AGAP1: variants seen among roughly 807,000 people sequenced by gnomAD.
AGAP1 encodes arf-GAP with GTPase, ANK repeat and PH domain-containing protein 1.
AGAP1 carries 29 observed loss-of-function variants against 105.3 expected under a neutral mutation model. The ratio of observed to expected loss-of-function variants is 0.28; its 90% CI spans 0.21 to 0.38. AGAP1 has a LOEUF of 0.38. AGAP1 is among the 10% of genes least tolerant of loss of function. The pLI is 1.00. For synonymous variants in AGAP1, 509 were observed against 485.9 expected (o/e 1.05, Z -0.63); for missense variants, 998 against 1,165.1 (o/e 0.86, Z 2.09).
In AGAP1 at chr2:235,911,460, G is replaced by A. The variant is rs148514940; in HGVS notation, c.1324+2554G>A. On this transcript the variant is annotated intron_variant, in intron 11 of 17. Transcript: ENST00000304032. ...CCAGGCACACAGATATGAAGGAAGG[G>A]CACCAATTCTGTGAAGAAGCGTTCA... Among the ~76,000 whole-genome samples, 316 of 152,324 alleles carry A rather than the reference G, an allele frequency of 2.1e-3. 1 individual carries two copies. The highest frequency in any genetic ancestry group is 0.014 in the Middle Eastern group (4 of 294).
At chr2:235,803,809 G>A (rs913230784) in intron 8 of AGAP1, among the ~76,000 whole-genome samples, 1 of 152,224 alleles carries the variant, frequency 6.6e-6, no homozygotes, top group East Asian at 1.9e-4. Flanking sequence ...TACATTTGCA[G>A]TAGGAATTCT....
chr2:235,564,620 ACCACCACCCAGGGCCAGGTGTGAGCCTGG>A (rs1230044011), intron 1 of AGAP1, among the ~76,000 whole-genome samples: 3 of 143,592 alleles, frequency 2.1e-5, no homozygotes, highest in African/African-American at 7.9e-5. Flanking sequence ...GTGAGCCTGG[ACCACCACCCAGGGCCAGGTGTGAGCCTGG>A]ACCACCACCC....
At chr2:235,938,418 A>G (rs550291850) in intron 12 of AGAP1, among the ~76,000 whole-genome samples, 1 of 152,222 alleles carries the variant, frequency 6.6e-6, no homozygotes, top group East Asian at 1.9e-4. Context: ...TGCTGCGCGT[A>G]TGAAGACAGG....
At position 235,992,511 on chromosome 2, in the gene AGAP1, G is replaced by T. The variant is rs2055613539; in HGVS notation, c.1645+23888G>T. ...GTTCTTATAGACTACAGTATTACTC[G>T]TGGGAGCCAAATTATGTGCAGTGTA... is the stretch of plus-strand genomic sequence containing the variant. On this transcript the variant is annotated intron_variant, in intron 13 of 17. Coordinates refer to ENST00000304032, the MANE Select transcript of AGAP1 (RefSeq NM_001037131.3). This position sits in a 1 kb window ranked among gnomAD's most constrained non-coding sequence, Gnocchi z 4.8. 6.6e-6 allele frequency among the ~76,000 whole-genome samples: 1 copy of T among 152,182 alleles called. No individual in the cohort carries two copies. The highest frequency in any genetic ancestry group is 6.5e-5 in the Admixed American group (1 of 15,278).
At chr2:235,898,978 G>A (rs1297244507) in intron 10 of AGAP1, among the ~76,000 whole-genome samples, 1 of 152,180 alleles carries the variant, frequency 6.6e-6, no homozygotes, top group Non-Finnish European at 1.5e-5. Flanking sequence ...CCCTTGGCAG[G>A]CATTATGTTT....
At chr2:235,836,189 A>G (rs564519053) in intron 9 of AGAP1, among the ~76,000 whole-genome samples, 2 of 152,372 alleles carry the variant, frequency 1.3e-5, no homozygotes, top group East Asian at 3.9e-4. Flanking sequence ...GCACAGGTCT[A>G]AAGCCCTTTA....
intron 1 of AGAP1, among the ~76,000 whole-genome samples, chr2:235,495,978 C>T (rs1306632928): frequency 6.6e-6 from 1 of 152,230 alleles, no homozygotes; most frequent in African/African-American, 2.4e-5. Context: ...TGCCTGAAAG[C>T]CTGGTGCTGG....
chr2:236,099,683 C>A (rs2059297572), intron 16 of AGAP1, among the ~76,000 whole-genome samples: 1 of 152,068 alleles, frequency 6.6e-6, no homozygotes, highest in Non-Finnish European at 1.5e-5. Flanking sequence ...CACCAAGTGA[C>A]ACTTGAAAGC....
intron 1 of AGAP1, among the ~76,000 whole-genome samples, chr2:235,495,315 C>T (rs1398976582): frequency 2.0e-5 from 3 of 152,230 alleles, no homozygotes; most frequent in Non-Finnish European, 2.9e-5. Context: ...GCAGGGCTGC[C>T]CTCCTTAGTG....
At chr2:235,836,480 G>T (rs1244934520) in intron 9 of AGAP1, among the ~76,000 whole-genome samples, 1 of 152,172 alleles carries the variant, frequency 6.6e-6, no homozygotes, top group African/African-American at 2.4e-5. Flanking sequence ...CGTGACTGGG[G>T]TTGCTTCAGA....
At chr2:235,703,337 T>C (rs1287056896) in intron 1 of AGAP1, among the ~76,000 whole-genome samples, 1 of 152,058 alleles carries the variant, frequency 6.6e-6, no homozygotes, top group Non-Finnish European at 1.5e-5. Context: ...TCAGGTAGCA[T>C]GTGTGCCTGT....
At chr2:235,671,792 C>A (rs79087053) in intron 1 of AGAP1, among the ~76,000 whole-genome samples, 1 of 152,312 alleles carries the variant, frequency 6.6e-6, no homozygotes, top group East Asian at 1.9e-4. Flanking sequence ...CCCTTAAGTC[C>A]TCAGACAGGG....
intron 10 of AGAP1, among the ~76,000 whole-genome samples, chr2:235,890,983 A>G (rs2050514795): frequency 6.6e-6 from 1 of 150,512 alleles, no homozygotes; most frequent in Admixed American, 6.6e-5. Context: ...TTCTTTCTCA[A>G]GATGCTATTA....
At chr2:236,008,704 A>G (rs1156884608) in intron 13 of AGAP1, among the ~76,000 whole-genome samples, 2 of 152,200 alleles carry the variant, frequency 1.3e-5, no homozygotes, top group African/African-American at 2.4e-5. Context: ...GGTCTTTCCC[A>G]TGTGCACCTA....
chr2:235,694,858 T>G (rs1254328316), intron 1 of AGAP1, among the ~76,000 whole-genome samples: 1 of 152,102 alleles, frequency 6.6e-6, no homozygotes, highest in Non-Finnish European at 1.5e-5. Context: ...GGAGATCAAA[T>G]GAAGAGAGGC....
chr2:235,544,807 A>G (rs905699818), intron 1 of AGAP1, among the ~76,000 whole-genome samples: 11 of 152,110 alleles, frequency 7.2e-5, no homozygotes, highest in Non-Finnish European at 1.0e-4. Context: ...TGGAATGTTG[A>G]CTTGAGGGGA....
chr2:235,852,324 C>T (rs908160167), intron 9 of AGAP1, among the ~76,000 whole-genome samples: 1 of 152,218 alleles, frequency 6.6e-6, no homozygotes, highest in Non-Finnish European at 1.5e-5. Flanking sequence ...TCTGCGTCTG[C>T]GTTTGCTTTT....
At chr2:235,511,759 T>C (rs1287952615) in intron 1 of AGAP1, among the ~76,000 whole-genome samples, 3 of 152,160 alleles carry the variant, frequency 2.0e-5, no homozygotes, top group Non-Finnish European at 2.9e-5. Flanking sequence ...TTCCCCAAAC[T>C]GTGGATTTTG....
rs1290763641 is a variant in AGAP1, at chr2:235,810,677, CGTT to C, written c.1050+3349_1050+3351del. On this transcript the variant is annotated intron_variant, in intron 9 of 17. Transcript: ENST00000304032. ...CTTGCCAAATCATGATGGTCAATGA[CGTT>C]GTCTCTTTCTTCTTTCTCCCGATTA... Among the ~76,000 whole-genome samples the C allele has an allele frequency of 6.6e-5, 10 of 152,268 alleles. No homozygotes were observed. The East Asian group carries it at 1.9e-3, about 29-fold the overall frequency.
Sources: allele counts gnomAD v4.1 joint callset (sites outside exome capture counted in the v4.1 genomes callset), GRCh38; gene constraint gnomAD v4.1.1; non-coding constraint Gnocchi (gnomAD v3.1); transcripts MANE v1.5; gene names NCBI Gene and HGNC (gene_info 2026-07-23, HGNC 2026-07-21).